The following KIF16B variants were observed in gnomAD, a reference collection of about 807,000 sequenced individuals.
KIF16B encodes kinesin-like protein KIF16B.
A neutral mutation model predicts 156.3 loss-of-function variants in KIF16B; 98 were observed. That is an observed-to-expected ratio of 0.63 (90% confidence interval 0.53 to 0.74). The LOEUF (loss-of-function observed/expected upper bound fraction) is 0.74, where lower values mean the gene tolerates loss of function less well. Ranked by LOEUF, KIF16B falls within the 30% of genes least tolerant of loss-of-function variation. The probability of loss-of-function intolerance (pLI) is 0.00; values close to 1 mark genes in which losing one functional copy is unlikely to be tolerated. For synonymous variants in KIF16B, 564 were observed against 583.7 expected (o/e 0.97, Z 0.49); for missense variants, 1,421 against 1,606.5 (o/e 0.88, Z 1.97).
intron 19 of KIF16B, among the ~76,000 whole-genome samples, chr20:16,378,521 C>G (rs1386450266): frequency 6.6e-6 from 1 of 152,122 alleles, no homozygotes; most frequent in Non-Finnish European, 1.5e-5. Flanking sequence ...AAAACACGCA[C>G]ATTCCATAGG....
intron 25 of KIF16B, among the ~76,000 whole-genome samples, chr20:16,296,600 C>T (rs1300145216): frequency 2.6e-5 from 4 of 152,120 alleles, no homozygotes; most frequent in East Asian, 1.9e-4. Flanking sequence ...TGTAAATGAG[C>T]GTGGGAGCTG....
At chr20:16,555,031 C>A (rs2070796786) in intron 1 of KIF16B, among the ~76,000 whole-genome samples, 1 of 152,258 alleles carries the variant, frequency 6.6e-6, no homozygotes, top group Non-Finnish European at 1.5e-5. Flanking sequence ...AAGCTGAGCA[C>A]AGCCTGCCAG....
At chr20:16,537,597 G>A (rs889011138) in intron 1 of KIF16B, among the ~76,000 whole-genome samples, 5 of 151,564 alleles carry the variant, frequency 3.3e-5, no homozygotes, top group Non-Finnish European at 1.5e-5. Flanking sequence ...CTCTTCCCAC[G>A]TGGGTCTCCC....
At chr20:16,392,131 AT>A (rs1246304375) in intron 17 of KIF16B, among the ~76,000 whole-genome samples, 2 of 152,184 alleles carry the variant, frequency 1.3e-5, no homozygotes, top group Non-Finnish European at 2.9e-5. Context: ...TGACTCCTTT[AT>A]TTTGTTCCCA....
intron 24 of KIF16B, among the ~76,000 whole-genome samples, chr20:16,316,946 C>T (rs1049003360): frequency 6.6e-6 from 1 of 152,144 alleles, no homozygotes; most frequent in Non-Finnish European, 1.5e-5. Context: ...GCTGAAAGTG[C>T]TGTTTTCTGA....
chr20:16,508,274 G>A (rs2068848837), intron 6 of KIF16B, among the ~76,000 whole-genome samples, 174 bp from the exon 7 acceptor site: 1 of 152,110 alleles, frequency 6.6e-6, no homozygotes, highest in Admixed American at 6.5e-5. Flanking sequence ...TGGGTGGCTG[G>A]GGCCGAATCC....
Position 16,379,538 on chromosome 20 carries a change from G to A in KIF16B, c.2464C>T (p.Gln822Ter), listed in dbSNP as rs145901299. Residue 822 changes from glutamine to a stop codon, truncating the protein, a stop_gained, in exon 19 of 26, where the codon CAA becomes TAA. Transcript: ENST00000354981. LOFTEE classifies it high-confidence loss of function. ...DEDGEELEKA[Q>*]LRFFEFKRRQ... The stretch of plus-strand genomic sequence containing the variant: ...CTCTTGAATTCGAAGAAACGCAGTT[G>A]AGCCTTTTCTAACTCCTCGCCATCT... The A allele has an allele frequency of 1.9e-6, 3 of 1,614,026 alleles. No individual in the cohort carries two copies. The highest frequency in any genetic ancestry group is 1.7e-6 in the Non-Finnish European group (2 of 1,180,042).
chr20:16,273,554 G>T (rs2063014166), intron 25 of KIF16B, 143 bp from the exon 26 acceptor site: 2 of 649,656 alleles, frequency 3.1e-6, no homozygotes, highest in Non-Finnish European at 2.6e-6. Context: ...AGCTGGACAG[G>T]GTGGTGCACT....
At chr20:16,388,702 A>T (rs1283336355) in intron 17 of KIF16B, among the ~76,000 whole-genome samples, 1 of 152,128 alleles carries the variant, frequency 6.6e-6, no homozygotes, top group African/African-American at 2.4e-5. Flanking sequence ...ATAACTGCAC[A>T]TACTTCAATT....
At chr20:16,502,013 A>C (rs550577546) in intron 10 of KIF16B, among the ~76,000 whole-genome samples, 1 of 152,306 alleles carries the variant, frequency 6.6e-6, no homozygotes, top group African/African-American at 2.4e-5. Context: ...CGTCAATAAA[A>C]AATTCAAATA....
In KIF16B at chr20:16,298,652, G is replaced by A. The variant is rs138466176; in HGVS notation, c.3795+13683C>T. ...TCACTGAATGGCTTTAATAAAGACA[G>A]CAAAGACCCTAAAAGAAAGACCATC... On this transcript the variant is annotated intron_variant, in intron 25 of 25. Transcript: ENST00000354981. 3.3e-5 allele frequency among the ~76,000 whole-genome samples: 5 copies of A among 152,232 alleles called. No homozygotes were observed. In the East Asian group the frequency reaches 9.6e-4, roughly 29 times the overall value.
At chr20:16,280,726 A>C (rs2063131921) in intron 25 of KIF16B, among the ~76,000 whole-genome samples, 1 of 152,214 alleles carries the variant, frequency 6.6e-6, no homozygotes, top group Admixed American at 6.5e-5. Context: ...TTAATCCCGA[A>C]GGTTCAAGCC....
intron 1 of KIF16B, among the ~76,000 whole-genome samples, chr20:16,555,061 C>G (rs1242998713): frequency 6.6e-6 from 1 of 152,220 alleles, no homozygotes; most frequent in East Asian, 1.9e-4. Flanking sequence ...ACAGAATGAG[C>G]CTGAGCAAAA....
chr20:16,569,803 G>A (rs1159658349), intron 1 of KIF16B, among the ~76,000 whole-genome samples: 1 of 152,078 alleles, frequency 6.6e-6, no homozygotes, highest in Non-Finnish European at 1.5e-5. Context: ...AAGCACTGCT[G>A]GGTTAATAAT....
chr20:16,283,037 AT>A lies in KIF16B; in HGVS notation c.3796-9627del, dbSNP rs780151193. Reference sequence around the variant, plus strand: ...CCAGTGTGAGACTTTCATTGTGTTCATTGCAGCAAGTTTGGTGTGCCGACAC... The same window carrying A: ...CCAGTGTGAGACTTTCATTGTGTTCATGCAGCAAGTTTGGTGTGCCGACAC... On this transcript the variant is annotated intron_variant, in intron 25 of 25. Coordinates refer to ENST00000354981, the MANE Select transcript of KIF16B (RefSeq NM_024704.5). Among the ~76,000 whole-genome samples the A allele has an allele frequency of 2.1e-4, 32 of 152,286 alleles. 1 individual carries two copies. Among genetic ancestry groups the A allele is most frequent in the East Asian group, 1.9e-4 (1 of 5,184 alleles).
chr20:16,369,630 G>A (rs1179156801), intron 22 of KIF16B, among the ~76,000 whole-genome samples: 1 of 152,160 alleles, frequency 6.6e-6, no homozygotes, highest in Non-Finnish European at 1.5e-5. Flanking sequence ...ATAAGTCCAT[G>A]ATCATATGTC....
At chr20:16,395,539 T>G (rs1045160029) in intron 17 of KIF16B, among the ~76,000 whole-genome samples, 2 of 152,168 alleles carry the variant, frequency 1.3e-5, no homozygotes, top group African/African-American at 4.8e-5. Context: ...AACTCTACAT[T>G]TGGAATCTAG....
chr20:16,463,756 A>G (rs541525323), intron 12 of KIF16B, among the ~76,000 whole-genome samples: 2 of 152,338 alleles, frequency 1.3e-5, no homozygotes, highest in East Asian at 1.9e-4. Flanking sequence ...TAATGACTGG[A>G]TAACAGGGCC....
chr20:16,480,070 G>A (rs6044003), intron 12 of KIF16B, among the ~76,000 whole-genome samples: 1 of 152,052 alleles, frequency 6.6e-6, no homozygotes, highest in African/African-American at 2.4e-5. Flanking sequence ...GGTTGCTGGA[G>A]GTATGGGTGT....
Sources: allele counts gnomAD v4.1 joint callset (sites outside exome capture counted in the v4.1 genomes callset), GRCh38; gene constraint gnomAD v4.1.1; transcripts MANE v1.5; gene names NCBI Gene and HGNC (gene_info 2026-07-23, HGNC 2026-07-21).